Variants in BZW1 observed in about 807,000 individuals in gnomAD.
The protein encoded by BZW1 is basic leucine zipper and W2 domains 1, also known as eIF5-mimic protein 2.
A neutral mutation model predicts 54.1 loss-of-function variants in BZW1; 3 were observed. That is an observed-to-expected ratio of 0.06 (90% confidence interval 0.03 to 0.14). The LOEUF (loss-of-function observed/expected upper bound fraction) is 0.14, where lower values mean the gene tolerates loss of function less well. Among genes scored for constraint, BZW1 ranks in the 10% least tolerant of loss-of-function variants. The pLI is 1.00. For missense variants in BZW1, 206 were observed against 491.7 expected, an observed-to-expected ratio of 0.42 and a Z score of 5.50; for synonymous variants, 152 against 162.7, an observed-to-expected ratio of 0.93 and a Z score of 0.50.
At chr2:200,812,967 C>T (rs1235102924) in intron 1 of BZW1, 1 of 683,214 alleles carries the variant, frequency 1.5e-6, no homozygotes, top group African/African-American at 1.8e-5. Context: ...TACAATGTCG[C>T]TTAAAAGTAG....
intron 1 of BZW1, chr2:200,812,456 G>GA: frequency 7.5e-7 from 1 of 1,341,386 alleles, no homozygotes; most frequent in Non-Finnish European, 9.6e-7. Flanking sequence ...AGTGACTGTG[G>GA]TCCGCTCGTT....
Position 200,812,715 on chromosome 2 carries a change from C to G in BZW1, c.-10-493C>G, listed in dbSNP as rs550066824. 4.7e-5 allele frequency: 38 copies of G among 803,978 alleles called. 1 individual carries two copies. The East Asian group carries it at 9.9e-4, about 21-fold the overall frequency. The allele number at this position is 803,978 out of a possible 1,614,324, so 49.8% of individuals were successfully genotyped here. On this transcript the variant is annotated intron_variant, in intron 1 of 11. Coordinates refer to ENST00000409600, the MANE Select transcript of BZW1 (RefSeq NM_001207067.2). The stretch of plus-strand genomic sequence containing the variant: ...GAGTGGTGCAAGGCGGCCGCTGTTG[C>G]GGTCACAGGCATGACCTAGGGTAGG...
At chr2:200,812,131 C>A (rs1464734366) in intron 1 of BZW1, 141 bp downstream of exon 1, 1 of 948,356 alleles carries the variant, frequency 1.1e-6, no homozygotes, top group Non-Finnish European at 1.4e-6. Flanking sequence ...CGGGCCGGAT[C>A]TAGGGCCTGA....
intron 2 of BZW1, 79 bp from the exon 3 acceptor site, chr2:200,815,262 C>T (rs2038241986): frequency 7.4e-7 from 1 of 1,358,296 alleles, no homozygotes; most frequent in African/African-American, 1.5e-5. Context: ...TTAACAATTG[C>T]ATCTTCATAA....
chr2:200,821,885 A>T (rs1166311701), intron 11 of BZW1, among the ~76,000 whole-genome samples: 7 of 152,184 alleles, frequency 4.6e-5, no homozygotes, highest in Non-Finnish European at 7.4e-5. Flanking sequence ...AGCCTGGACA[A>T]CATGGGAAAC....
intron 1 of BZW1, chr2:200,812,903 G>A (rs946611888): frequency 6.1e-6 from 4 of 658,436 alleles, no homozygotes; most frequent in Non-Finnish European, 1.1e-5. Context: ...AATGTAAAGA[G>A]GAATGTGGAG....
intron 2 of BZW1, among the ~76,000 whole-genome samples, chr2:200,813,673 A>G (rs1440175373): frequency 6.6e-6 from 1 of 152,220 alleles, no homozygotes; most frequent in Non-Finnish European, 1.5e-5. Context: ...TTTGTGAGAG[A>G]AAACTCAGAC....
Position 200,825,375 on chromosome 2 carries a change from T to A in BZW1, c.*3197T>A, listed in dbSNP as rs1391323068. ...GCCCAACCAATTTTTTTTTTTTAAA[T>A]CCTTGGTAGTGATTGACCCCCATTG... is the stretch of plus-strand genomic sequence containing the variant. On this transcript the variant is annotated 3_prime_UTR_variant, in exon 12 of 12. Coordinates refer to ENST00000409600, the MANE Select transcript of BZW1 (RefSeq NM_001207067.2). 1 of 152,092 alleles carries A rather than the reference T, an allele frequency of 6.6e-6. No homozygotes were observed. Among genetic ancestry groups the A allele is most frequent in the Non-Finnish European group, 1.5e-5 (1 of 68,030 alleles). 9.4% of individuals were successfully genotyped at this position (152,092 alleles called of 1,614,324 possible). A position where few individuals can be genotyped will look rare whatever the true frequency, so the allele number is the denominator to read the frequency against.
In BZW1 at chr2:200,824,405, C is replaced by T. The variant is rs1398529471; in HGVS notation, c.*2227C>T. On this transcript the variant is annotated 3_prime_UTR_variant, in exon 12 of 12. Transcript: ENST00000409600. ...TTTTTCTAACTGTCAGTTTCTAAGGCTGTCTCCTTAGAAACTAAATGAGTT... is the reference window on the plus strand; with the variant it reads ...TTTTTCTAACTGTCAGTTTCTAAGGTTGTCTCCTTAGAAACTAAATGAGTT... 1.3e-5 allele frequency: 2 copies of T among 151,934 alleles called. No homozygotes were observed. The highest frequency in any genetic ancestry group is 4.8e-5 in the African/African-American group (2 of 41,368). The allele number at this position is 151,934 out of a possible 1,614,324, so 9.4% of individuals were successfully genotyped here. A position where few individuals can be genotyped will look rare whatever the true frequency, so the allele number is the denominator to read the frequency against.
intron 2 of BZW1, among the ~76,000 whole-genome samples, chr2:200,814,332 G>A (rs1264948429): frequency 6.6e-6 from 1 of 152,186 alleles, no homozygotes; most frequent in African/African-American, 2.4e-5. Context: ...GCTGTTGATG[G>A]TTAGGGTACT....
chr2:200,819,887 A>T (rs542140506), intron 9 of BZW1, 95 bp from the exon 10 acceptor site: 4 of 1,122,770 alleles, frequency 3.6e-6, no homozygotes, highest in Admixed American at 7.7e-5. Context: ...ATTATAAAAG[A>T]TGAGTTAAGT....
chr2:200,816,346 C>A lies in BZW1; in HGVS notation c.358C>A (p.Arg120Ser). 1 of 1,581,966 alleles carries A rather than the reference C, an allele frequency of 6.3e-7. No individual in the cohort carries two copies. The highest frequency in any genetic ancestry group is 1.2e-5 in the South Asian group (1 of 86,698). The change falls in exon 5 of 12, where the codon CGC (arginine) becomes AGC (serine). Residue 120 changes from arginine to serine, a missense_variant. Around this residue, in one of 5 missense-constraint regions of BZW1, gnomAD observed 81 missense variants for 257.1 expected, o/e 0.32. Transcript: ENST00000409600. ...FAQVFNKLIR[R>S]YKYLEKGFED... ...ATAGGTTTTTAACAAGTTAATCAGG[C>A]GCTACAAATACCTGGAGAAAGGTTT... is the stretch of plus-strand genomic sequence containing the variant.
intron 2 of BZW1, among the ~76,000 whole-genome samples, chr2:200,814,243 G>A (rs892021651): frequency 6.6e-6 from 1 of 152,210 alleles, no homozygotes; most frequent in East Asian, 1.9e-4. Flanking sequence ...ATAATAGCAA[G>A]TAGCTTTAGC....
chr2:200,816,123 T>C lies in BZW1; in HGVS notation c.337-202T>C, dbSNP rs868464671. On this transcript the variant is annotated intron_variant, in intron 4 of 11. Transcript: ENST00000409600. Reference sequence around the variant, plus strand: ...ATTAGCTTGTTAATCAAGATCTCATTGGAAAGTTTCATACGTAGTTATGTT... The same window carrying C: ...ATTAGCTTGTTAATCAAGATCTCATCGGAAAGTTTCATACGTAGTTATGTT... Among the ~76,000 whole-genome samples, 4 of 152,356 alleles carry C rather than the reference T, an allele frequency of 2.6e-5. No individual in the cohort carries two copies. In the Middle Eastern group the frequency reaches 0.01, roughly 389 times the overall value.
At chr2:200,818,596 C>CT (rs2038380119) in intron 8 of BZW1, among the ~76,000 whole-genome samples, 159 bp from the exon 9 acceptor site, 1 of 152,150 alleles carries the variant, frequency 6.6e-6, no homozygotes, top group Admixed American at 6.5e-5. Context: ...CTCAGGGCAC[C>CT]TTTCAGTTGT....
In BZW1 at chr2:200,812,673, G is replaced by C. The variant is rs902721931; in HGVS notation, c.-10-535G>C. 4.5e-6 allele frequency: 5 copies of C among 1,114,762 alleles called. No individual in the cohort carries two copies. In the African/African-American group the frequency reaches 4.7e-5, roughly 10 times the overall value. 69.1% of individuals were successfully genotyped at this position (1,114,762 alleles called of 1,614,324 possible). A position where few individuals can be genotyped will look rare whatever the true frequency, so the allele number is the denominator to read the frequency against. On this transcript the variant is annotated intron_variant, in intron 1 of 11. Coordinates refer to ENST00000409600, the MANE Select transcript of BZW1 (RefSeq NM_001207067.2). Reference sequence around the variant, plus strand: ...ATGGGCGAAGGAGGCTGGGCTGGCTGTTAGTTTTGCAGGCCTGAGTGGTGC... The same window carrying C: ...ATGGGCGAAGGAGGCTGGGCTGGCTCTTAGTTTTGCAGGCCTGAGTGGTGC...
chr2:200,821,201 A>T lies in BZW1; in HGVS notation c.1124A>T (p.Glu375Val). The T allele has an allele frequency of 6.2e-7, 1 of 1,611,804 alleles. No homozygotes were observed. Among genetic ancestry groups the T allele is most frequent in the Non-Finnish European group, 8.5e-7 (1 of 1,179,608 alleles). ...TTTCCAGCTGAAGTCCTGAGCGAGG[A>T]GCCCATTTTGAAGTGGTATAAAGAT... Reference protein sequence around the residue: ...LFYKAEVLSEEPILKWYKDAH... With the variant: ...LFYKAEVLSEVPILKWYKDAH... The change falls in exon 11 of 12, where the codon GAG (glutamate) becomes GTG (valine). Residue 375 changes from glutamate to valine, a missense_variant. By Grantham distance (121) the Glu-to-Val change is moderately radical. Around this residue, in one of 5 missense-constraint regions of BZW1, gnomAD observed 60 missense variants for 151.8 expected, o/e 0.40. Transcript: ENST00000409600.
chr2:200,812,516 G>A, intron 1 of BZW1: 2 of 1,382,318 alleles, frequency 1.4e-6, no homozygotes, highest in Non-Finnish European at 1.9e-6. Context: ...AGAGCCGCGG[G>A]ACCCTACGGC....
rs2038618371 is a variant in BZW1 at position 200,823,876 on chromosome 2, T to G, written c.*1698T>G. The G allele has an allele frequency of 6.6e-6, 1 of 152,470 alleles. No homozygotes were observed. Among genetic ancestry groups the G allele is most frequent in the African/African-American group, 2.4e-5 (1 of 41,458 alleles). The allele number at this position is 152,470 out of a possible 1,614,324, so 9.4% of individuals were successfully genotyped here. ...AGTCTTTTTTTTTTTAAATTCCATG[T>G]TAATACCTAGTGGTATTGTATGTTG... is the stretch of plus-strand genomic sequence containing the variant. On this transcript the variant is annotated 3_prime_UTR_variant, in exon 12 of 12. Transcript: ENST00000409600.
Sources: allele counts gnomAD v4.1 joint callset (sites outside exome capture counted in the v4.1 genomes callset), GRCh38; gene constraint gnomAD v4.1.1; regional missense constraint gnomAD v4.1.1; transcripts MANE v1.5; gene names NCBI Gene and HGNC (gene_info 2026-07-23, HGNC 2026-07-21).